SMAD9: variants seen among roughly 807,000 people sequenced by gnomAD.
SMAD9 encodes SMAD family member 9, also known as MAD homolog 9.
A neutral mutation model predicts 46.1 loss-of-function variants in SMAD9; 36 were observed. That is an observed-to-expected ratio of 0.78 (90% CI 0.60 to 1.03). SMAD9 has a LOEUF of 1.03. SMAD9 is among the 50% of genes least tolerant of loss of function. The probability of loss-of-function intolerance (pLI) is 0.00; values close to 1 mark genes in which losing one functional copy is unlikely to be tolerated. For missense variants in SMAD9, 572 were observed against 599.8 expected, an observed-to-expected ratio of 0.95 and a Z score of 0.48; for synonymous variants, 245 against 237.1, an observed-to-expected ratio of 1.03 and a Z score of -0.31.
intron 2 of SMAD9, among the ~76,000 whole-genome samples, chr13:36,874,621 G>C (rs1188941691): frequency 6.6e-6 from 1 of 152,080 alleles, no homozygotes; most frequent in Non-Finnish European, 1.5e-5. Context: ...ACTTTGGAAG[G>C]CCAAGGCAGG....
At chr13:36,917,502 T>C (rs540722920) in intron 1 of SMAD9, among the ~76,000 whole-genome samples, 5 of 152,292 alleles carry the variant, frequency 3.3e-5, no homozygotes, top group Non-Finnish European at 5.9e-5. Flanking sequence ...AGAAGATTCA[T>C]GGTTTCAACG....
chr13:36,882,227 C>CTGTGTGTGTGTGTG (rs61006734), intron 1 of SMAD9, among the ~76,000 whole-genome samples: 1 of 149,324 alleles, frequency 6.7e-6, no homozygotes, highest in Non-Finnish European at 1.5e-5. Flanking sequence ...CAGGTATGTG[C>CTGTGTGTGTGTGTG]TGTGTGTGTG....
Position 36,848,414 on chromosome 13 carries a change from C to T in SMAD9, c.*262G>A, listed in dbSNP as rs1316781680. The T allele has an allele frequency of 1.2e-5, 6 of 500,098 alleles. No homozygotes were observed. Among genetic ancestry groups the T allele is most frequent in the Admixed American group, 3.3e-5 (1 of 30,372 alleles). The allele number at this position is 500,098 out of a possible 1,614,324, so 31.0% of individuals were successfully genotyped here. A position where few individuals can be genotyped will look rare whatever the true frequency, so the allele number is the denominator to read the frequency against. The stretch of plus-strand genomic sequence containing the variant: ...GCTAACACCCTTCAAATACTGTTGA[C>T]AATATCGCCTCTCAAGTGTTTCCTC... On this transcript the variant is annotated 3_prime_UTR_variant, in exon 7 of 7. Coordinates refer to ENST00000379826, the MANE Select transcript of SMAD9 (RefSeq NM_001127217.3).
rs1407289727 is a variant in SMAD9, at chr13:36,847,186, CAATTT to C, written c.*1485_*1489del. On this transcript the variant is annotated 3_prime_UTR_variant, in exon 7 of 7. Transcript: ENST00000379826. The stretch of plus-strand genomic sequence containing the variant: ...CACATGATCATTTCTACCTTGAATA[CAATTT>C]AATTAGAAAAACTACCATGTGCACT... 1.3e-5 allele frequency: 2 copies of C among 152,130 alleles called. No individual in the cohort carries two copies. The highest frequency in any genetic ancestry group is 2.9e-5 in the Non-Finnish European group (2 of 68,036). The allele number at this position is 152,130 out of a possible 1,614,324, so 9.4% of individuals were successfully genotyped here.
chr13:36,872,673 G>C lies in SMAD9; in HGVS notation c.655C>G (p.Pro219Ala). The change falls in exon 3 of 7, where the codon CCC (proline) becomes GCC (alanine). Residue 219 changes from proline (P) to alanine (A), a missense_variant. Physicochemically the swap from Pro to Ala is conservative, Grantham distance 27. Transcript: ENST00000379826. ...TCTTACTGACCTGAGTGTTGATAGGGACTCTCTGGCTCAGAAGGACTTCCT... is the reference window on the plus strand; with the variant it reads ...TCTTACTGACCTGAGTGTTGATAGGCACTCTCTGGCTCAGAAGGACTTCCT... ...SPGSPSEPES[P>A]YQHSVDTPPL... is the part of the protein sequence containing the mutation. The C allele has an allele frequency of 6.2e-7, 1 of 1,614,006 alleles. No individual in the cohort carries two copies. The highest frequency in any genetic ancestry group is 8.5e-7 in the Non-Finnish European group (1 of 1,180,008).
intron 5 of SMAD9, among the ~76,000 whole-genome samples, chr13:36,856,725 T>TAAGACC (rs976649404): frequency 1.3e-4 from 20 of 151,858 alleles, no homozygotes; most frequent in Middle Eastern, 3.6e-3. Flanking sequence ...TAGCTTGCAC[T>TAAGACC]AAGACCACTT....
rs572718576 is a variant in SMAD9, at chr13:36,877,012, T to C, written c.412+2266A>G. On this transcript the variant is annotated intron_variant, in intron 2 of 6. Transcript: ENST00000379826. Reference sequence around the variant, plus strand: ...ACACCTAAATTATGATAAAATGAAATATATTTACCATATGTAAAACACTCA... The same window carrying C: ...ACACCTAAATTATGATAAAATGAAACATATTTACCATATGTAAAACACTCA... Among the ~76,000 whole-genome samples the C allele has an allele frequency of 4.6e-5, 7 of 152,274 alleles. No homozygotes were observed. In the South Asian group the frequency reaches 1.0e-3, roughly 23 times the overall value.
At chr13:36,904,729 C>T (rs935648822) in intron 1 of SMAD9, among the ~76,000 whole-genome samples, 4 of 152,188 alleles carry the variant, frequency 2.6e-5, no homozygotes, top group Admixed American at 2.6e-4. Context: ...CTTGGAACTA[C>T]AATTTATTGT....
intron 1 of SMAD9, among the ~76,000 whole-genome samples, chr13:36,919,411 G>C (rs1033229763): frequency 6.6e-6 from 1 of 152,040 alleles, no homozygotes; most frequent in Admixed American, 6.5e-5. Flanking sequence ...CCCCGGCTCC[G>C]ACACAGTCCA....
rs531379276 is a variant in SMAD9 at position 36,867,244 on chromosome 13, C to G, written c.781+29G>C. ...AATAGGAAATACTTTTGGAAAATAG[C>G]TACATTTCACTGTTCATCTGCAATT... On this transcript the variant is annotated intron_variant, in intron 4 of 6. Transcript: ENST00000379826. The G allele has an allele frequency of 1.5e-5, 20 of 1,375,616 alleles. No homozygotes were observed. In the African/African-American group the frequency reaches 2.9e-4, roughly 20 times the overall value. The allele number at this position is 1,375,616 out of a possible 1,614,324, so 85.2% of individuals were successfully genotyped here. A position where few individuals can be genotyped will look rare whatever the true frequency, so the allele number is the denominator to read the frequency against.
intron 2 of SMAD9, among the ~76,000 whole-genome samples, chr13:36,873,540 G>A (rs1010390974): frequency 1.3e-5 from 2 of 152,120 alleles, no homozygotes; most frequent in Non-Finnish European, 2.9e-5. Flanking sequence ...AAACACAAAC[G>A]GTGAATAATA....
chr13:36,882,044 T>C (rs1293883220), intron 1 of SMAD9, among the ~76,000 whole-genome samples: 1 of 152,210 alleles, frequency 6.6e-6, no homozygotes, highest in Non-Finnish European at 1.5e-5. Flanking sequence ...AAACCAGGTT[T>C]TGTTTGGTTC....
chr13:36,861,191 G>A (rs553776052), intron 5 of SMAD9, among the ~76,000 whole-genome samples: 1 of 152,338 alleles, frequency 6.6e-6, no homozygotes, highest in Admixed American at 6.5e-5. Context: ...GTGGCAACAT[G>A]ACCTTCCTTT....
intron 1 of SMAD9, among the ~76,000 whole-genome samples, chr13:36,901,693 G>A (rs577505285): frequency 2.4e-4 from 37 of 152,312 alleles, no homozygotes; most frequent in African/African-American, 8.4e-4. Context: ...CTCCCAAAGT[G>A]CTGGGATTAC....
Position 36,879,537 on chromosome 13 carries a change from G to A in SMAD9, c.153C>T (p.Ala51=), listed in dbSNP as rs1483993037. The part of the protein sequence containing the change: ...LVKKLKKKKG[A]MDELERALSC... ...TGAGAGCCCTCTCCAGCTCGTCCAT[G>A]GCTCCCTTCTTCTTCTTTAACTTCT... Residue 51 remains alanine, a synonymous_variant, in exon 2 of 7, where the codon GCC becomes GCT. Transcript: ENST00000379826. 1.9e-6 allele frequency: 3 copies of A among 1,614,180 alleles called. No homozygotes were observed. Among genetic ancestry groups the A allele is most frequent in the Non-Finnish European group, 2.5e-6 (3 of 1,180,032 alleles).
At chr13:36,904,248 A>C (rs981638713) in intron 1 of SMAD9, among the ~76,000 whole-genome samples, 3 of 152,186 alleles carry the variant, frequency 2.0e-5, no homozygotes, top group Non-Finnish European at 4.4e-5. Context: ...ATGTGTCGTC[A>C]ATGTAACTTG....
At chr13:36,878,790 T>G (rs2058371576) in intron 2 of SMAD9, among the ~76,000 whole-genome samples, 1 of 152,044 alleles carries the variant, frequency 6.6e-6, no homozygotes, top group South Asian at 2.1e-4. Context: ...CAAGGCCATT[T>G]TAAAACCTTT....
At chr13:36,916,744 G>A (rs566554831) in intron 1 of SMAD9, among the ~76,000 whole-genome samples, 22 of 151,904 alleles carry the variant, frequency 1.4e-4, no homozygotes, top group African/African-American at 5.3e-4. Flanking sequence ...GAGTTGAAAA[G>A]GCGAAGAGCC....
chr13:36,918,702 T>C (rs1053413794), intron 1 of SMAD9, among the ~76,000 whole-genome samples: 2 of 152,210 alleles, frequency 1.3e-5, no homozygotes, highest in South Asian at 2.1e-4. Context: ...CTTTGTCTAT[T>C]TGGAGTTGAG....
Sources: allele counts gnomAD v4.1 joint callset (sites outside exome capture counted in the v4.1 genomes callset), GRCh38; gene constraint gnomAD v4.1.1; transcripts MANE v1.5; gene names NCBI Gene and HGNC (gene_info 2026-07-23, HGNC 2026-07-21).